The following GCNT2 variants were observed in gnomAD, a reference collection of about 807,000 sequenced individuals.
GCNT2 encodes N-acetyllactosaminide beta-1,6-N-acetylglucosaminyl-transferase.
Under a neutral mutation model 34.2 loss-of-function variants are expected in GCNT2, and 34 were observed. The observed-to-expected ratio is 1.00, with a 90% CI of 0.76 to 1.32. The LOEUF (loss-of-function observed/expected upper bound fraction) is 1.32. GCNT2 is among the 40% of genes most tolerant of loss of function. The pLI, the probability that GCNT2 is intolerant of heterozygous loss-of-function variation, is 0.00. For missense variants in GCNT2, 584 were observed against 489.4 expected, an observed-to-expected ratio of 1.19 and a Z score of -1.82; for synonymous variants, 212 against 188.0, an observed-to-expected ratio of 1.13 and a Z score of -1.04.
Position 10,626,778 on chromosome 6 carries a change from A to G in GCNT2, c.*171A>G. ...ATATCCACTGGACACTGTGAAATAC[A>G]CTAACAGGATGGCTGGGTAGAGCAA... On this transcript the variant is annotated 3_prime_UTR_variant, in exon 5 of 5. Coordinates refer to ENST00000495262, the MANE Select transcript of GCNT2 (RefSeq NM_145649.5). 3.2e-6 allele frequency: 2 copies of G among 619,476 alleles called. No individual in the cohort carries two copies. Among genetic ancestry groups the G allele is most frequent in the Non-Finnish European group, 5.8e-6 (2 of 347,122 alleles). 38.4% of individuals were successfully genotyped at this position (619,476 alleles called of 1,614,324 possible). A position where few individuals can be genotyped will look rare whatever the true frequency, so the allele number is the denominator to read the frequency against.
chr6:10,546,965 T>C (rs959226894), intron 3 of GCNT2, among the ~76,000 whole-genome samples: 2 of 152,168 alleles, frequency 1.3e-5, no homozygotes, highest in Non-Finnish European at 2.9e-5. Flanking sequence ...TTTTTTTCTT[T>C]TATGGTTCAT....
At chr6:10,534,384 C>G (rs1761664519) in intron 3 of GCNT2, among the ~76,000 whole-genome samples, 1 of 152,144 alleles carries the variant, frequency 6.6e-6, no homozygotes, top group South Asian at 2.1e-4. Context: ...GATCCACCTG[C>G]CTTGGCCTCC....
chr6:10,579,506 A>C (rs1414954218), intron 3 of GCNT2, among the ~76,000 whole-genome samples: 3 of 152,090 alleles, frequency 2.0e-5, no homozygotes, highest in Non-Finnish European at 4.4e-5. Flanking sequence ...AGTACTAGAG[A>C]TATTGATCTA....
intron 3 of GCNT2, chr6:10,575,098 C>T: frequency 2.0e-6 from 1 of 508,156 alleles, no homozygotes; most frequent in Non-Finnish European, 3.7e-6. Context: ...GTACCCATTC[C>T]CTTGATGCCT....
intron 4 of GCNT2, 73 bp from the exon 5 acceptor site, chr6:10,626,344 A>G: frequency 9.7e-7 from 1 of 1,028,804 alleles, no homozygotes; most frequent in South Asian, 1.3e-5. Context: ...GAGTACCTCT[A>G]GTATTCTGTA....
intron 3 of GCNT2, among the ~76,000 whole-genome samples, chr6:10,612,475 C>T (rs1467516070): frequency 1.3e-5 from 2 of 152,034 alleles, no homozygotes; most frequent in African/African-American, 2.4e-5. Context: ...TCAGCCCCCA[C>T]GACAAAGAAT....
chr6:10,619,060 T>G (rs1246183857), intron 3 of GCNT2: 1 of 152,212 alleles, frequency 6.6e-6, no homozygotes, highest in East Asian at 1.9e-4. Context: ...TCTGATCTTC[T>G]GAAAATGCAC....
chr6:10,574,758 T>C (rs1251656338), intron 3 of GCNT2: 5 of 576,282 alleles, frequency 8.7e-6, no homozygotes, highest in African/African-American at 3.8e-5. Flanking sequence ...ATGCCATGAA[T>C]TCGTAGGGAA....
intron 3 of GCNT2, among the ~76,000 whole-genome samples, chr6:10,569,017 T>C (rs550443002): frequency 2.0e-5 from 3 of 152,274 alleles, no homozygotes; most frequent in African/African-American, 7.2e-5. Context: ...TCATTATTAA[T>C]GTGAATATCG....
intron 3 of GCNT2, among the ~76,000 whole-genome samples, chr6:10,585,032 AGTGTGTGTGT>A (rs57538079): frequency 1.6e-3 from 210 of 127,528 alleles, no homozygotes; most frequent in East Asian, 4.2e-3. Flanking sequence ...TCCCATAGTC[AGTGTGTGTGT>A]GTGTGTGTGT....
intron 4 of GCNT2, among the ~76,000 whole-genome samples, chr6:10,625,978 CTCTT>C (rs1347215038): frequency 1.3e-5 from 2 of 152,158 alleles, no homozygotes; most frequent in African/African-American, 2.4e-5. Flanking sequence ...GATATATGCT[CTCTT>C]TCTTTCTCAA....
At position 10,534,139 on chromosome 6, in the gene GCNT2, CTCTTT is replaced by C. The variant is rs779301176; in HGVS notation, c.925+4305_925+4309del. 6.5e-4 allele frequency among the ~76,000 whole-genome samples: 80 copies of C among 123,230 alleles called. 15 individuals carry two copies. The East Asian group carries it at 0.011, about 17-fold the overall frequency. The allele number at this position is 123,230 out of a possible 152,430, so 80.8% of individuals were successfully genotyped here. A position where few individuals can be genotyped will look rare whatever the true frequency, so the allele number is the denominator to read the frequency against. The stretch of plus-strand genomic sequence containing the variant: ...CTGGTATCTGCCAGATTCCATGCTG[CTCTTT>C]TTTTTTTTTTTTTTTAAGATGGAGT... On this transcript the variant is annotated intron_variant, in intron 3 of 4. Coordinates refer to ENST00000495262, the MANE Select transcript of GCNT2 (RefSeq NM_145649.5).
At chr6:10,523,431 GAA>G (rs34628756) in intron 1 of GCNT2, among the ~76,000 whole-genome samples, 11,828 of 122,448 alleles carry the variant, frequency 0.097, 550 homozygotes, top group Middle Eastern at 0.15. Context: ...CGTCTCAAAA[GAA>G]AAAAAAAAAA....
At position 10,563,777 on chromosome 6, in the gene GCNT2, AATAT is replaced by A. The variant is rs70991026; in HGVS notation, c.925+33970_925+33973del. 9.9e-3 allele frequency among the ~76,000 whole-genome samples: 244 copies of A among 24,606 alleles called. 2 individuals are homozygous for A. The highest frequency in any genetic ancestry group is 0.018 in the East Asian group (10 of 556). The allele number at this position is 24,606 out of a possible 152,430, so 16.1% of individuals were successfully genotyped here. On this transcript the variant is annotated intron_variant, in intron 3 of 4. Coordinates refer to ENST00000495262, the MANE Select transcript of GCNT2 (RefSeq NM_145649.5). ...AAAAGAAAAAAAAAAAAAAAAAAAAAATATATATATATATATATATATATATATA... is the reference window on the plus strand; with the variant it reads ...AAAAGAAAAAAAAAAAAAAAAAAAAAATATATATATATATATATATATATA...
chr6:10,527,065 A>G (rs1761226728), intron 1 of GCNT2, among the ~76,000 whole-genome samples: 2 of 152,248 alleles, frequency 1.3e-5, no homozygotes, highest in Non-Finnish European at 2.9e-5. Flanking sequence ...CCTACAAATC[A>G]GTATTACCTG....
At chr6:10,619,198 A>G (rs1386643222) in intron 3 of GCNT2, 1 of 151,890 alleles carries the variant, frequency 6.6e-6, no homozygotes, top group African/African-American at 2.4e-5. Flanking sequence ...TTCTTCTTTT[A>G]TTTTAGGAAT....
intron 1 of GCNT2, among the ~76,000 whole-genome samples, chr6:10,522,250 C>T (rs1183785155): frequency 1.3e-5 from 2 of 152,078 alleles, no homozygotes; most frequent in African/African-American, 4.8e-5. Flanking sequence ...GTATGAACCT[C>T]ATTTGATAAT....
chr6:10,598,204 T>C (rs1764940488), intron 3 of GCNT2, among the ~76,000 whole-genome samples: 1 of 152,212 alleles, frequency 6.6e-6, no homozygotes, highest in South Asian at 2.1e-4. Context: ...TTTGTTTCCC[T>C]GCTGTCAGAT....
intron 3 of GCNT2, among the ~76,000 whole-genome samples, chr6:10,533,829 A>G (rs12055534): frequency 0.34 from 46,415 of 134,794 alleles, 9,723 homozygotes; most frequent in South Asian, 0.59. Context: ...AAAAAAAAGA[A>G]TGTATTTTAT....
Sources: allele counts gnomAD v4.1 joint callset (sites outside exome capture counted in the v4.1 genomes callset), GRCh38; gene constraint gnomAD v4.1.1; transcripts MANE v1.5; gene names NCBI Gene and HGNC (gene_info 2026-07-23, HGNC 2026-07-21).